The following SLC9D1 variants were observed in gnomAD, a reference collection of about 807,000 sequenced individuals.
SLC9D1 encodes the protein putative LAG1-interacting protein.
the SLC9D1 span, chr13:113,549,896 T>C: frequency 1.9e-6 from 1 of 516,662 alleles, no homozygotes; most frequent in Non-Finnish European, 3.4e-6. Context: ...GAAGCAAAAT[T>C]AAAAGGCTTT....
At chr13:113,540,395 G>A in the SLC9D1 span, among the ~76,000 whole-genome samples, 2 of 152,160 alleles carry the variant, frequency 1.3e-5, no homozygotes, top group African/African-American at 4.8e-5. Flanking sequence ...CCTCGCCAGC[G>A]TCTGTTGCCT....
chr13:113,492,494 A>G, the SLC9D1 span, among the ~76,000 whole-genome samples: 1 of 152,218 alleles, frequency 6.6e-6, no homozygotes, highest in South Asian at 2.1e-4. Flanking sequence ...CACCAACTAT[A>G]CATGCACTAG....
At chr13:113,538,221 C>T in the SLC9D1 span, among the ~76,000 whole-genome samples, 60,275 of 151,584 alleles carry the variant, frequency 0.4, 13,895 homozygotes, top group African/African-American at 0.64. Flanking sequence ...TGCATGCATA[C>T]ATATGTGCTT....
chr13:113,548,563 G>A, the SLC9D1 span: 1 of 1,216,406 alleles, frequency 8.2e-7, no homozygotes, highest in Non-Finnish European at 1.1e-6. Context: ...TGGGGGCAGG[G>A]TCCTCCTCCA....
the SLC9D1 span, chr13:113,498,447 C>A: frequency 6.3e-7 from 1 of 1,589,440 alleles, no homozygotes; most frequent in East Asian, 2.3e-5. Context: ...TGACGAGATT[C>A]TTGAAGATGT....
At chr13:113,548,689 TTAAA>T in the SLC9D1 span, among the ~76,000 whole-genome samples, 1 of 152,252 alleles carries the variant, frequency 6.6e-6, no homozygotes, top group African/African-American at 2.4e-5. Context: ...ACAAGTCTAA[TTAAA>T]TGTCAGATAT....
At chr13:113,499,856 C>A in the SLC9D1 span, 1 of 611,230 alleles carries the variant, frequency 1.6e-6, no homozygotes, top group Non-Finnish European at 2.5e-6. Context: ...TGCTAATGAA[C>A]ACTGATTGAT....
At chr13:113,546,312 G>A in the SLC9D1 span, among the ~76,000 whole-genome samples, 3 of 151,636 alleles carry the variant, frequency 2.0e-5, no homozygotes, top group Admixed American at 6.5e-5. This position sits in a 1 kb window ranked among gnomAD's most constrained non-coding sequence, Gnocchi z 7.1. Context: ...ACCCCAGGCC[G>A]CCGTGGGGCT....
chr13:113,528,801 A>G, the SLC9D1 span: 1 of 152,210 alleles, frequency 6.6e-6, no homozygotes, highest in African/African-American at 2.4e-5. Flanking sequence ...TATCAGAAAA[A>G]TAACGCTTTT....
the SLC9D1 span, chr13:113,534,120 A>G: frequency 1.3e-6 from 2 of 1,586,744 alleles, no homozygotes; most frequent in Non-Finnish European, 1.7e-6. Context: ...TTTTTCTTTT[A>G]TGTCTTGTTA....
the SLC9D1 span, chr13:113,503,416 C>G: frequency 1.0e-6 from 1 of 992,018 alleles, no homozygotes; most frequent in Non-Finnish European, 1.6e-6. Flanking sequence ...ACCGGGCATA[C>G]TAGGGCATGA....
chr13:113,503,019 G>A, the SLC9D1 span, among the ~76,000 whole-genome samples: 2 of 152,220 alleles, frequency 1.3e-5, no homozygotes, highest in East Asian at 1.9e-4. Flanking sequence ...TGGGAAGAAC[G>A]GCTGTTTCAA....
At chr13:113,492,158 T>A in the SLC9D1 span, among the ~76,000 whole-genome samples, 1 of 152,110 alleles carries the variant, frequency 6.6e-6, no homozygotes, top group African/African-American at 2.4e-5. Flanking sequence ...TCATTTTTAA[T>A]AGAGACAGGG....
At chr13:113,521,918 C>T in the SLC9D1 span, among the ~76,000 whole-genome samples, 1 of 152,150 alleles carries the variant, frequency 6.6e-6, no homozygotes, top group Non-Finnish European at 1.5e-5. Context: ...TCTCCAGAGG[C>T]TACCTTTATT....
At chr13:113,491,832 G>A in the SLC9D1 span, among the ~76,000 whole-genome samples, 1 of 152,226 alleles carries the variant, frequency 6.6e-6, no homozygotes, top group South Asian at 2.1e-4. Context: ...ACGCCTGCGC[G>A]GGGGAAGCAA....
the SLC9D1 span, chr13:113,495,965 C>CGT: frequency 6.2e-7 from 1 of 1,613,608 alleles, no homozygotes; most frequent in Non-Finnish European, 8.5e-7. Flanking sequence ...ACAAAGATGT[C>CGT]GTGAACATGA....
chr13:113,538,939 G>A, the SLC9D1 span, among the ~76,000 whole-genome samples: 1 of 152,178 alleles, frequency 6.6e-6, no homozygotes, highest in Non-Finnish European at 1.5e-5. Context: ...GTGCCCTCCC[G>A]GGGCTGTTGC....
chr13:113,539,225 C>A, the SLC9D1 span: 2 of 833,032 alleles, frequency 2.4e-6, no homozygotes, highest in Non-Finnish European at 3.8e-6. This position sits in a 1 kb window ranked among gnomAD's most constrained non-coding sequence, Gnocchi z 4.8. Context: ...GGACCAGACA[C>A]ACACACGCTC....
chr13:113,500,265 T>C, the SLC9D1 span: 1 of 529,526 alleles, frequency 1.9e-6, no homozygotes, highest in African/African-American at 2.0e-5. Context: ...GAGATTTTAC[T>C]AGAATTCCGT....
Sources: allele counts gnomAD v4.1 joint callset (sites outside exome capture counted in the v4.1 genomes callset), GRCh38; gene constraint gnomAD v4.1.1; non-coding constraint Gnocchi (gnomAD v3.1); transcripts MANE v1.5; gene names NCBI Gene and HGNC (gene_info 2026-07-23, HGNC 2026-07-21).